Variants in TRIO observed in about 807,000 individuals in gnomAD.
TRIO encodes triple functional domain protein.
TRIO carries 58 observed loss-of-function variants against 351.9 expected under a neutral mutation model. That is an observed-to-expected ratio of 0.16 (90% CI 0.13 to 0.21). The LOEUF is 0.21. TRIO is among the 10% of genes least tolerant of loss of function. The pLI is 1.00. For synonymous variants in TRIO, 1,758 were observed against 1,595.7 expected (o/e 1.10, Z -2.42); for missense variants, 3,201 against 4,027.8 (o/e 0.79, Z 5.56).
At chr5:14,240,409 G>GA (rs1794058288) in intron 1 of TRIO, among the ~76,000 whole-genome samples, 1 of 152,196 alleles carries the variant, frequency 6.6e-6, no homozygotes, top group Non-Finnish European at 1.5e-5. Flanking sequence ...TTATGTCTGT[G>GA]AAAATCACTG....
chr5:14,180,689 G>A (rs1194952173), intron 1 of TRIO, among the ~76,000 whole-genome samples: 1 of 152,108 alleles, frequency 6.6e-6, no homozygotes, highest in Non-Finnish European at 1.5e-5. Context: ...AAAAAGCTGG[G>A]TGTGGTGGCA....
chr5:14,349,199 T>C (rs1020988617), intron 11 of TRIO, among the ~76,000 whole-genome samples: 1 of 150,788 alleles, frequency 6.6e-6, no homozygotes, highest in Non-Finnish European at 1.5e-5. Context: ...TGTATATGTG[T>C]GCACACACAT....
At chr5:14,457,476 G>A (rs922880803) in intron 34 of TRIO, among the ~76,000 whole-genome samples, 4 of 144,736 alleles carry the variant, frequency 2.8e-5, no homozygotes, top group African/African-American at 5.1e-5. Context: ...AATCTCTTTC[G>A]AACCAGCTTC....
Position 14,387,453 on chromosome 5 carries a change from G to A in TRIO, c.3586G>A (p.Val1196Met). ...QITAKQTKER[V>M]KLLIQLADGF... ...TTTTTTGCAGCAAACCAAAGAGAGA[G>A]TGAAGCTATTGATACAGCTGGCTGA... The change falls in exon 22 of 57, where the codon GTG (valine) becomes ATG (methionine). Residue 1196 changes from valine to methionine, a missense_variant. By Grantham distance (21) the Val-to-Met change is conservative. Transcript: ENST00000344204. 1.2e-6 allele frequency: 2 copies of A among 1,610,342 alleles called. No individual in the cohort carries two copies. The highest frequency in any genetic ancestry group is 2.2e-5 in the East Asian group (1 of 44,854).
At chr5:14,369,546 G>C in intron 18 of TRIO, 23 bp downstream of exon 18, 1 of 1,603,118 alleles carries the variant, frequency 6.2e-7, no homozygotes, top group Non-Finnish European at 8.5e-7. Flanking sequence ...CTGCGGGACA[G>C]TGCACCCATC....
intron 9 of TRIO, among the ~76,000 whole-genome samples, chr5:14,328,253 A>G (rs1285294174): frequency 6.6e-6 from 1 of 152,248 alleles, no homozygotes; most frequent in Non-Finnish European, 1.5e-5. Context: ...AACAATGTGC[A>G]AGTTAAAACA....
At chr5:14,387,371 AC>A (rs1485466627) in intron 21 of TRIO, 66 bp from the exon 22 acceptor site, 1 of 1,500,654 alleles carries the variant, frequency 6.7e-7, no homozygotes, top group African/African-American at 1.4e-5. Context: ...TCAAGTCGCC[AC>A]TGTGTTTGAG....
intron 1 of TRIO, among the ~76,000 whole-genome samples, chr5:14,205,450 T>C (rs1308430102): frequency 6.6e-6 from 1 of 152,240 alleles, no homozygotes; most frequent in African/African-American, 2.4e-5. Context: ...CACTGTTCAT[T>C]ACGTTAGATT....
intron 1 of TRIO, among the ~76,000 whole-genome samples, chr5:14,144,888 C>T (rs1052469058): frequency 3.3e-5 from 5 of 151,748 alleles, no homozygotes; most frequent in Non-Finnish European, 5.9e-5. Context: ...GGCTGAGCAG[C>T]AGCAGGAGGA....
intron 15 of TRIO, among the ~76,000 whole-genome samples, chr5:14,365,917 C>G (rs1329505342): frequency 6.6e-6 from 1 of 152,140 alleles, no homozygotes; most frequent in Non-Finnish European, 1.5e-5. Flanking sequence ...GAGGCAGCCC[C>G]TCTATCAGAA....
chr5:14,256,887 T>C (rs190039753), intron 1 of TRIO, among the ~76,000 whole-genome samples: 3 of 152,298 alleles, frequency 2.0e-5, no homozygotes, highest in Admixed American at 2.0e-4. Context: ...TTAGTGTGGC[T>C]TTTCATTACT....
At chr5:14,380,828 C>A (rs190350658) in intron 20 of TRIO, among the ~76,000 whole-genome samples, 163 of 152,306 alleles carry the variant, frequency 1.1e-3, no homozygotes, top group Non-Finnish European at 1.8e-3. Context: ...AAATGCCCAT[C>A]AGCAATAGAC....
chr5:14,248,248 T>C (rs1180747735), intron 1 of TRIO, among the ~76,000 whole-genome samples: 1 of 152,186 alleles, frequency 6.6e-6, no homozygotes, highest in Non-Finnish European at 1.5e-5. Flanking sequence ...GGAATCATTC[T>C]TTAATGTTAT....
chr5:14,394,582 A>T (rs1192447839), intron 28 of TRIO, among the ~76,000 whole-genome samples: 2 of 152,186 alleles, frequency 1.3e-5, no homozygotes, highest in East Asian at 3.9e-4. Flanking sequence ...GATCTGGCTG[A>T]TGCCCAGGGC....
In TRIO at chr5:14,401,469, G is replaced by A. The variant is rs73061631; in HGVS notation, c.4716+405G>A. On this transcript the variant is annotated intron_variant, in intron 31 of 56. Transcript: ENST00000344204. ...ACCTGGTGCGTGTTTGAGGACCTGC[G>A]ACAGGAAGTCGAGGCCAACCGTACC... is the stretch of plus-strand genomic sequence containing the variant. Among the ~76,000 whole-genome samples the A allele has an allele frequency of 6.4e-3, 969 of 152,314 alleles. 10 individuals are homozygous for A. Among genetic ancestry groups the A allele is most frequent in the African/African-American group, 0.022 (917 of 41,572 alleles).
intron 1 of TRIO, among the ~76,000 whole-genome samples, chr5:14,239,472 C>A (rs1793996706): frequency 6.6e-6 from 1 of 152,136 alleles, no homozygotes; most frequent in South Asian, 2.1e-4. Flanking sequence ...ATCTCCCCAC[C>A]CTCACAAACC....
chr5:14,145,504 C>CTT (rs35067974), intron 1 of TRIO, among the ~76,000 whole-genome samples: 4 of 144,686 alleles, frequency 2.8e-5, no homozygotes, highest in African/African-American at 5.1e-5. Flanking sequence ...CCCCCCCCAC[C>CTT]TTTTTTTTTT....
At chr5:14,463,007 A>C in intron 36 of TRIO, 82 bp downstream of exon 36, 3 of 1,440,822 alleles carry the variant, frequency 2.1e-6, no homozygotes, top group Non-Finnish European at 2.7e-6. Context: ...CACCAGCCTC[A>C]TTTCAGGAGA....
rs976967566 is a variant in TRIO at position 14,509,633 on chromosome 5, G to A, written c.*1211G>A. On this transcript the variant is annotated 3_prime_UTR_variant, in exon 57 of 57. Transcript: ENST00000344204. ...TAGACTTTTTGACGTTGAACTTTCTGTATAAAAATTGGCTGGGTTTTGAGC... is the reference window on the plus strand; with the variant it reads ...TAGACTTTTTGACGTTGAACTTTCTATATAAAAATTGGCTGGGTTTTGAGC... 5 of 325,902 alleles carry A rather than the reference G, an allele frequency of 1.5e-5. No homozygotes were observed. Among genetic ancestry groups the A allele is most frequent in the African/African-American group, 1.1e-4 (5 of 44,780 alleles). The allele number at this position is 325,902 out of a possible 1,614,324, so 20.2% of individuals were successfully genotyped here.
Sources: allele counts gnomAD v4.1 joint callset (sites outside exome capture counted in the v4.1 genomes callset), GRCh38; gene constraint gnomAD v4.1.1; transcripts MANE v1.5; gene names NCBI Gene and HGNC (gene_info 2026-07-23, HGNC 2026-07-21).